ZNF831: variants seen among roughly 807,000 people sequenced by gnomAD.
ZNF831 encodes zinc finger protein 831.
Under a neutral mutation model 95.8 loss-of-function variants are expected in ZNF831, and 59 were observed. The observed-to-expected ratio is 0.62, with a 90% CI of 0.50 to 0.77. The LOEUF (loss-of-function observed/expected upper bound fraction) is 0.77. ZNF831 is among the 30% of genes least tolerant of loss of function. The probability of loss-of-function intolerance (pLI) is 0.00; values close to 1 mark genes in which losing one functional copy is unlikely to be tolerated. For synonymous variants in ZNF831, 961 were observed against 925.5 expected, an observed-to-expected ratio of 1.04 and a Z score of -0.70; for missense variants, 2,205 against 2,164.0, an observed-to-expected ratio of 1.02 and a Z score of -0.38.
rs2146555193 is a variant in ZNF831, at chr20:59,191,860, G to A, written c.841G>A (p.Asp281Asn). ...ATTTGCCGACAGAGAGGCTCCTTGG[G>A]ACTCTGCCCCCATGGCGTCACCTGG... is the stretch of plus-strand genomic sequence containing the variant. ...SAFADREAPWDSAPMASPGLP... is the reference protein window; with the variant it reads ...SAFADREAPWNSAPMASPGLP... The change falls in exon 2 of 6, where the codon GAC becomes AAC. Residue 281 changes from aspartate (D) to asparagine (N), a missense_variant. Coordinates refer to ENST00000371030, the MANE Select transcript of ZNF831 (RefSeq NM_178457.3). 6.2e-7 allele frequency: 1 copy of A among 1,613,236 alleles called. No individual in the cohort carries two copies. The highest frequency in any genetic ancestry group is 8.5e-7 in the Non-Finnish European group (1 of 1,179,984).
chr20:59,132,540 TA>T (rs1203296440), intron 1 of ZNF831, among the ~76,000 whole-genome samples: 1 of 152,216 alleles, frequency 6.6e-6, no homozygotes, highest in African/African-American at 2.4e-5. Context: ...GTCTGGTGGA[TA>T]AAAAATGACA....
chr20:59,153,776 T>G (rs557673789), intron 2 of ZNF831, among the ~76,000 whole-genome samples: 1 of 152,258 alleles, frequency 6.6e-6, no homozygotes, highest in African/African-American at 2.4e-5. Context: ...CACAAGCAAT[T>G]TTTGCTCTCC....
intron 4 of ZNF831, among the ~76,000 whole-genome samples, chr20:59,224,406 T>C (rs774900680): frequency 1.3e-5 from 2 of 152,210 alleles, no homozygotes; most frequent in Non-Finnish European, 2.9e-5. Context: ...GGGGCGCCTC[T>C]TCTGCCTCGT....
chr20:59,172,999 G>T (rs778618753), intron 1 of ZNF831, among the ~76,000 whole-genome samples: 56 of 152,200 alleles, frequency 3.7e-4, no homozygotes, highest in Admixed American at 1.9e-3. Context: ...GGGAGCAGGG[G>T]CTTGTTGTGG....
intron 1 of ZNF831, among the ~76,000 whole-genome samples, chr20:59,183,453 G>A (rs1162220067): frequency 6.6e-6 from 1 of 152,176 alleles, no homozygotes; most frequent in Non-Finnish European, 1.5e-5. Flanking sequence ...ATGCATGGTG[G>A]CCTACAGATA....
Position 59,169,041 on chromosome 20 carries a change from C to T in ZNF831, c.-37+4834C>T, listed in dbSNP as rs921991512. ...TCATGCTGTCTTTGTCTAGTTTGGT[C>T]GCAGGGTAATACCTAGGTGCTTAAA... On this transcript the variant is annotated intron_variant, in intron 1 of 5. Transcript: ENST00000371030. This position sits in a 1 kb window ranked among gnomAD's most constrained non-coding sequence, Gnocchi z 4.1. 2.0e-5 allele frequency among the ~76,000 whole-genome samples: 3 copies of T among 152,106 alleles called. No individual in the cohort carries two copies. Among genetic ancestry groups the T allele is most frequent in the African/African-American group, 7.2e-5 (3 of 41,404 alleles).
intron 1 of ZNF831, among the ~76,000 whole-genome samples, chr20:59,165,582 T>C (rs896755397): frequency 2.6e-5 from 4 of 152,144 alleles, no homozygotes; most frequent in African/African-American, 9.7e-5. Context: ...GCTGCCTGTC[T>C]GGGTGTGGCA....
Position 59,253,996 on chromosome 20 carries a change from G to C in ZNF831, c.4287G>C (p.Val1429=), listed in dbSNP as rs2146762286. The change falls in exon 6 of 6, where the codon GTG becomes GTC. Residue 1429 remains valine (V), a synonymous_variant. Transcript: ENST00000371030. ...TGCAATCTGACACCTGCCTGGCAGT[G>C]GTTAATGACGTGCCTCTACCCCCTG... ...LSLQSDTCLA[V]VNDVPLPPGK... The C allele has an allele frequency of 6.2e-7, 1 of 1,613,970 alleles. No homozygotes were observed. The highest frequency in any genetic ancestry group is 8.5e-7 in the Non-Finnish European group (1 of 1,180,004).
rs2146546161 is a variant in ZNF831, at chr20:59,191,329, C to G, written c.310C>G (p.Gln104Glu). Residue 104 changes from glutamine to glutamate, a missense_variant, in exon 2 of 6, where the codon CAG becomes GAG. Physicochemically the swap from Gln to Glu is conservative, Grantham distance 29. Coordinates refer to ENST00000371030, the MANE Select transcript of ZNF831 (RefSeq NM_178457.3). ...VLQPEGPGPT[Q>E]VGKPAAPTLT... ...GCAGCCTGAAGGGCCTGGCCCCACC[C>G]AGGTGGGGAAGCCGGCGGCCCCTAC... is the stretch of plus-strand genomic sequence containing the variant. 2 of 1,603,228 alleles carry G rather than the reference C, an allele frequency of 1.2e-6. No individual in the cohort carries two copies. Among genetic ancestry groups the G allele is most frequent in the Non-Finnish European group, 8.5e-7 (1 of 1,175,036 alleles).
intron 1 of ZNF831, among the ~76,000 whole-genome samples, chr20:59,141,143 G>C (rs568894933): frequency 1.4e-4 from 21 of 152,238 alleles, no homozygotes; most frequent in African/African-American, 4.8e-4. Flanking sequence ...CAAATAATCT[G>C]CCCACCTTGG....
intron 1 of ZNF831, among the ~76,000 whole-genome samples, chr20:59,173,795 A>G (rs1433390761): frequency 6.6e-6 from 1 of 152,200 alleles, no homozygotes; most frequent in Non-Finnish European, 1.5e-5. Context: ...AGAAGACAGA[A>G]ACCACCCAGT....
In ZNF831 at chr20:59,153,978, C is replaced by G. The variant is rs560721172; in HGVS notation, c.-1280-5674C>G. ...GGAGTGACTATGGTGGCACAGGACC[C>G]TAGAGGTGGTGGAGACTCCTGCAGC... On this transcript the variant is annotated intron_variant, in intron 2 of 7. Coordinates refer to the ZNF831 transcript ENST00000637017. Among the ~76,000 whole-genome samples the G allele has an allele frequency of 2.0e-5, 3 of 152,224 alleles. 1 individual carries two copies. In the South Asian group the frequency reaches 6.2e-4, roughly 32 times the overall value.
intron 4 of ZNF831, among the ~76,000 whole-genome samples, chr20:59,251,063 C>T (rs894540475): frequency 6.6e-6 from 1 of 151,820 alleles, no homozygotes; most frequent in Non-Finnish European, 1.5e-5. Context: ...AGTGTTCTTG[C>T]CAAAAAAAGA....
Position 59,253,008 on chromosome 20 carries a change from C to T in ZNF831, c.4058C>T (p.Ala1353Val). ...GLNLQEEPSC[A>V]TSESPPCCGK... ...AATCTGCAAGAGGAGCCATCTTGTG[C>T]CACCTCAGAATCACCTCCTTGTTGT... The change falls in exon 5 of 6, where the codon GCC becomes GTC. Residue 1353 changes from alanine to valine, a missense_variant. Coordinates refer to ENST00000371030, the MANE Select transcript of ZNF831 (RefSeq NM_178457.3). The T allele has an allele frequency of 3.1e-6, 5 of 1,613,914 alleles. No homozygotes were observed. The highest frequency in any genetic ancestry group is 1.1e-5 in the South Asian group (1 of 91,038).
At chr20:59,183,335 G>A (rs1766841269) in intron 1 of ZNF831, among the ~76,000 whole-genome samples, 1 of 152,196 alleles carries the variant, frequency 6.6e-6, no homozygotes, top group Admixed American at 6.5e-5. Context: ...GCATGTTGCT[G>A]CAGCCTTGCA....
rs1258849002 is a variant in ZNF831 at position 59,193,454 on chromosome 20, G to T, written c.2435G>T (p.Gly812Val). 6.2e-7 allele frequency: 1 copy of T among 1,607,050 alleles called. No homozygotes were observed. Among genetic ancestry groups the T allele is most frequent in the Non-Finnish European group, 8.5e-7 (1 of 1,176,748 alleles). Reference protein sequence around the residue: ...AQTVLRWPSRGSGEDKLPSER... With the variant: ...AQTVLRWPSRVSGEDKLPSER... ...ACTGTCCTGAGATGGCCCAGCAGGG[G>T]CTCAGGGGAGGACAAGCTCCCCTCA... The change falls in exon 2 of 6, where the codon GGC becomes GTC. Residue 812 changes from glycine (G) to valine (V), a missense_variant. Physicochemically the swap from Gly to Val is moderately radical, Grantham distance 109. Transcript: ENST00000371030.
chr20:59,136,625 T>TC (rs1979519859), intron 1 of ZNF831, among the ~76,000 whole-genome samples: 1 of 151,942 alleles, frequency 6.6e-6, no homozygotes, highest in African/African-American at 2.4e-5. Context: ...GTCCAAAACC[T>TC]CCCCCCTCCT....
Position 59,193,122 on chromosome 20 carries a change from C to T in ZNF831, c.2103C>T (p.Ala701=), listed in dbSNP as rs376388027. The T allele has an allele frequency of 4.8e-5, 76 of 1,584,754 alleles. No homozygotes were observed. In the African/African-American group the frequency reaches 7.0e-4, roughly 15 times the overall value. The change falls in exon 2 of 6, where the codon GCC becomes GCT. Residue 701 remains alanine (A), a synonymous_variant. Coordinates refer to ENST00000371030, the MANE Select transcript of ZNF831 (RefSeq NM_178457.3). ...GGGGAAATCCACCAGCCCTGGAGGCCTCCTTGGTGACTGAACCCACTAAGC... is the reference window on the plus strand; with the variant it reads ...GGGGAAATCCACCAGCCCTGGAGGCTTCCTTGGTGACTGAACCCACTAAGC... The part of the protein sequence containing the change: ...EPWGNPPALE[A]SLVTEPTKHG...
At chr20:59,216,331 T>C (rs1985678736) in intron 4 of ZNF831, among the ~76,000 whole-genome samples, 3 of 152,242 alleles carry the variant, frequency 2.0e-5, no homozygotes, top group Non-Finnish European at 1.5e-5. Flanking sequence ...AAGACCCTCC[T>C]GGAAGAGCCT....
Sources: allele counts gnomAD v4.1 joint callset (sites outside exome capture counted in the v4.1 genomes callset), GRCh38; gene constraint gnomAD v4.1.1; non-coding constraint Gnocchi (gnomAD v3.1); transcripts MANE v1.5; gene names NCBI Gene and HGNC (gene_info 2026-07-23, HGNC 2026-07-21).